PPP1R12A: variants seen among roughly 807,000 people sequenced by gnomAD.
The protein encoded by PPP1R12A is protein phosphatase 1 regulatory subunit 12A, also known as myosin binding subunit.
A neutral mutation model predicts 139.6 loss-of-function variants in PPP1R12A; 19 were observed. That is an observed-to-expected ratio of 0.14 (90% CI 0.09 to 0.20). PPP1R12A has a LOEUF of 0.20. Ranked by LOEUF, PPP1R12A falls within the 10% of genes least tolerant of loss-of-function variation. The pLI is 1.00. For synonymous variants in PPP1R12A, 427 were observed against 420.6 expected, an observed-to-expected ratio of 1.02 and a Z score of -0.19; for missense variants, 925 against 1,211.5, an observed-to-expected ratio of 0.76 and a Z score of 3.51.
At chr12:79,846,452 C>CA (rs1019018926) in intron 2 of PPP1R12A, among the ~76,000 whole-genome samples, 24 of 151,876 alleles carry the variant, frequency 1.6e-4, no homozygotes, top group Non-Finnish European at 3.2e-4. Context: ...TTTTTTGAGA[C>CA]AGAGTCTCGC....
chr12:79,872,613 G>C (rs753050235), intron 2 of PPP1R12A, among the ~76,000 whole-genome samples, 195 bp downstream of exon 2: 4 of 151,912 alleles, frequency 2.6e-5, no homozygotes, highest in Non-Finnish European at 4.4e-5. Context: ...GGCCAAAGAG[G>C]GTGGGGAGAC....
chr12:79,845,344 C>T lies in PPP1R12A; in HGVS notation c.445G>A (p.Glu149Lys), dbSNP rs1216270875. 3 of 1,613,404 alleles carry T rather than the reference C, an allele frequency of 1.9e-6. No homozygotes were observed. The highest frequency in any genetic ancestry group is 2.5e-6 in the Non-Finnish European group (3 of 1,179,606). Residue 149 changes from glutamate to lysine, a missense_variant, in exon 3 of 25, where the codon GAG (glutamate) becomes AAG (lysine). By Grantham distance (56) the Glu-to-Lys change is moderately conservative (BLOSUM62 1). Transcript: ENST00000450142. Reference protein sequence around the residue: ...GDTPLDIAEEEAMEELLQNEV... With the variant: ...GDTPLDIAEEKAMEELLQNEV... ...TTTTGAAGTAGCTCTTCCATTGCCT[C>T]CTCCTCCGCAATATCTAAAGGTGTA... is the stretch of plus-strand genomic sequence containing the variant.
At chr12:79,846,132 C>T (rs944519386) in intron 2 of PPP1R12A, among the ~76,000 whole-genome samples, 1 of 126,406 alleles carries the variant, frequency 7.9e-6, no homozygotes, top group African/African-American at 4.7e-5. Context: ...CTATTAAACC[C>T]ACCACTAGGT....
intron 1 of PPP1R12A, among the ~76,000 whole-genome samples, chr12:79,885,529 T>C (rs1884025421): frequency 6.6e-6 from 1 of 152,142 alleles, no homozygotes; most frequent in African/African-American, 2.4e-5. Flanking sequence ...GAGTCCCACC[T>C]GCCAAAAGTT....
At chr12:79,821,509 T>C (rs12816487) in intron 6 of PPP1R12A, among the ~76,000 whole-genome samples, 15,709 of 152,076 alleles carry the variant, frequency 0.1, 2,187 homozygotes, top group African/African-American at 0.32. Flanking sequence ...TCCTAGCACT[T>C]TGGGAGGCCA....
chr12:79,782,433 A>T (rs903686333), intron 22 of PPP1R12A: 2 of 299,034 alleles, frequency 6.7e-6, no homozygotes, highest in Non-Finnish European at 1.3e-5. Flanking sequence ...TTCTAGCTGT[A>T]CAGCTTTCTT....
At chr12:79,854,349 T>C (rs1347565168) in intron 2 of PPP1R12A, among the ~76,000 whole-genome samples, 2 of 152,244 alleles carry the variant, frequency 1.3e-5, no homozygotes, top group Non-Finnish European at 2.9e-5. Flanking sequence ...GTATGTGCAT[T>C]ATAAATATAT....
intron 1 of PPP1R12A, among the ~76,000 whole-genome samples, chr12:79,891,324 G>A (rs1367005546): frequency 1.3e-5 from 2 of 152,054 alleles, no homozygotes; most frequent in African/African-American, 4.8e-5. Flanking sequence ...ACTGATAAGG[G>A]GAGTTGAGGA....
intron 1 of PPP1R12A, among the ~76,000 whole-genome samples, chr12:79,930,820 A>G (rs527282635): frequency 6.6e-6 from 1 of 152,350 alleles, no homozygotes; most frequent in Admixed American, 6.5e-5. Context: ...CTAGGTTGCC[A>G]GTAAAAAGTG....
chr12:79,837,756 T>C (rs1352355993), intron 3 of PPP1R12A, among the ~76,000 whole-genome samples: 1 of 152,192 alleles, frequency 6.6e-6, no homozygotes, highest in Non-Finnish European at 1.5e-5. Flanking sequence ...CCAGCCGCCA[T>C]GTGAAGAAGG....
At chr12:79,788,899 C>T in intron 20 of PPP1R12A, 116 bp from the exon 21 acceptor site, 2 of 842,796 alleles carry the variant, frequency 2.4e-6, no homozygotes, top group South Asian at 5.4e-5. Context: ...CAGTCTCCCT[C>T]TGTTATCTGA....
At chr12:79,780,940 G>A (rs565556025) in intron 23 of PPP1R12A, among the ~76,000 whole-genome samples, 3 of 151,304 alleles carry the variant, frequency 2.0e-5, no homozygotes, top group South Asian at 4.2e-4. Flanking sequence ...TTTTTTTGGT[G>A]AAAAGGGCAA....
intron 1 of PPP1R12A, among the ~76,000 whole-genome samples, chr12:79,911,488 T>C (rs1342146582): frequency 2.0e-5 from 3 of 152,100 alleles, no homozygotes; most frequent in East Asian, 3.9e-4. Flanking sequence ...AAAAATACCA[T>C]TGAGTACTAG....
At chr12:79,887,605 G>A (rs1592772813) in intron 1 of PPP1R12A, among the ~76,000 whole-genome samples, 1 of 152,154 alleles carries the variant, frequency 6.6e-6, no homozygotes, top group South Asian at 2.1e-4. Flanking sequence ...TGGAGACAGG[G>A]TGGAAGGCAG....
At chr12:79,779,184 A>G in intron 23 of PPP1R12A, 2 of 596,498 alleles carry the variant, frequency 3.4e-6, no homozygotes, top group Non-Finnish European at 5.3e-6. Context: ...TGTTTCAAAG[A>G]GTGACAGGCA....
chr12:79,872,964 T>A, intron 1 of PPP1R12A, 26 bp from the exon 2 acceptor site: 1 of 1,600,914 alleles, frequency 6.2e-7, no homozygotes, highest in Non-Finnish European at 8.5e-7. Context: ...AAAGCAAGAT[T>A]GGAAAAAATA....
intron 1 of PPP1R12A, chr12:79,878,426 T>A (rs568305774): frequency 2.8e-4 from 43 of 152,218 alleles, no homozygotes; most frequent in East Asian, 3.9e-4. Context: ...AAGTTTTTTT[T>A]AAAAAGGATG....
chr12:79,824,768 G>A (rs1876562532), intron 5 of PPP1R12A, among the ~76,000 whole-genome samples: 1 of 151,912 alleles, frequency 6.6e-6, no homozygotes, highest in Admixed American at 6.6e-5. Context: ...TAGTATATAA[G>A]CAGTGTCACT....
chr12:79,861,728 C>T lies in PPP1R12A; in HGVS notation c.368+11080G>A, dbSNP rs533023413. 6.6e-5 allele frequency among the ~76,000 whole-genome samples: 10 copies of T among 152,262 alleles called. No individual in the cohort carries two copies. The South Asian group carries it at 2.1e-3, about 32-fold the overall frequency. On this transcript the variant is annotated intron_variant, in intron 2 of 24. Transcript: ENST00000450142. ...AGCACAGCAGTCTGAGATCAACCTG[C>T]AATGTGGGAGCTTGGCGGGGGGAAA...
Sources: gnomAD v4.1 joint callset for allele counts (sites outside exome capture counted in the v4.1 genomes callset) on GRCh38, gnomAD v4.1.1 for gene constraint, MANE v1.5 for transcripts, NCBI Gene and HGNC (gene_info 2026-07-23, HGNC 2026-07-21) for gene names.